The following SLC4A4 variants were observed in gnomAD, a reference collection of about 807,000 sequenced individuals.
SLC4A4 encodes electrogenic sodium bicarbonate cotransporter 1.
SLC4A4 carries 27 observed loss-of-function variants against 111.5 expected under a neutral mutation model. The observed-to-expected ratio is 0.24, with a 90% CI of 0.18 to 0.33. SLC4A4 has a LOEUF of 0.33. SLC4A4 is among the 10% of genes least tolerant of loss of function. The pLI, the probability that SLC4A4 is intolerant of heterozygous loss-of-function variation, is 1.00. For synonymous variants in SLC4A4, 443 were observed against 463.4 expected, an observed-to-expected ratio of 0.96 and a Z score of 0.57; for missense variants, 909 against 1,315.5, an observed-to-expected ratio of 0.69 and a Z score of 4.78.
chr4:71,465,393 T>C (rs572961449), intron 12 of SLC4A4, among the ~76,000 whole-genome samples: 6 of 151,912 alleles, frequency 3.9e-5, no homozygotes, highest in African/African-American at 1.4e-4. Context: ...TCTTTTTATG[T>C]TTAAAAATCA....
chr4:71,374,673 GA>G (rs1189993571), intron 6 of SLC4A4, among the ~76,000 whole-genome samples: 1 of 152,096 alleles, frequency 6.6e-6, no homozygotes, highest in African/African-American at 2.4e-5. Context: ...ATCAAGATGA[GA>G]GAATAAAAAC....
chr4:71,112,224 A>G (rs998318935), intron 2 of SLC4A4, among the ~76,000 whole-genome samples: 1 of 152,222 alleles, frequency 6.6e-6, no homozygotes, highest in Non-Finnish European at 1.5e-5. Flanking sequence ...TGGAACATCA[A>G]TCACAGTAAC....
intron 1 of SLC4A4, among the ~76,000 whole-genome samples, chr4:71,072,144 T>G (rs1166721786): frequency 6.6e-6 from 1 of 152,216 alleles, no homozygotes. Context: ...GTATAATACT[T>G]AGGAAGGTCT....
At chr4:71,437,669 G>T in intron 7 of SLC4A4, 2 of 483,422 alleles carry the variant, frequency 4.1e-6, no homozygotes, top group South Asian at 1.6e-5. Flanking sequence ...AAGATGCTGA[G>T]AGCACAGGCC....
intron 7 of SLC4A4, among the ~76,000 whole-genome samples, chr4:71,408,787 A>T (rs1380788563): frequency 1.3e-5 from 2 of 152,112 alleles, no homozygotes; most frequent in African/African-American, 4.8e-5. Flanking sequence ...TTGAATTTCC[A>T]ATACCATCTA....
At chr4:71,406,027 C>T (rs555665056) in intron 7 of SLC4A4, among the ~76,000 whole-genome samples, 5 of 151,052 alleles carry the variant, frequency 3.3e-5, no homozygotes, top group African/African-American at 4.9e-5. Flanking sequence ...TCCTTGGCAA[C>T]CAAAAAATGG....
intron 7 of SLC4A4, among the ~76,000 whole-genome samples, chr4:71,405,688 A>G (rs1185936264): frequency 6.6e-6 from 1 of 152,140 alleles, no homozygotes; most frequent in African/African-American, 2.4e-5. Context: ...ACTTTATTGA[A>G]TCCGCCTCCA....
At position 71,349,978 on chromosome 4, in the gene SLC4A4, A is replaced by G. The variant is rs1485088216; in HGVS notation, c.456A>G (p.Thr152=). The G allele has an allele frequency of 6.2e-7, 1 of 1,614,124 alleles. No individual in the cohort carries two copies. The highest frequency in any genetic ancestry group is 1.1e-5 in the South Asian group (1 of 91,084). ...GERWSKPHVA[T]LSLHSLFELR... Reference sequence around the variant, plus strand: ...GATGGAGCAAGCCCCATGTGGCCACATTGTCCCTTCATAGTTTATTTGAGC... The same window carrying G: ...GATGGAGCAAGCCCCATGTGGCCACGTTGTCCCTTCATAGTTTATTTGAGC... The change falls in exon 5 of 26, where the codon ACA becomes ACG. Residue 152 remains threonine, a synonymous_variant. Coordinates refer to ENST00000264485, the MANE Select transcript of SLC4A4 (RefSeq NM_001098484.3).
intron 7 of SLC4A4, among the ~76,000 whole-genome samples, chr4:71,408,000 T>C (rs1037990055): frequency 2.6e-5 from 4 of 152,196 alleles, no homozygotes; most frequent in African/African-American, 9.7e-5. Flanking sequence ...GTCTGATAAA[T>C]GCACATCATT....
At chr4:71,356,976 A>G (rs1346589616) in intron 5 of SLC4A4, 32 bp from the exon 6 acceptor site, 2 of 1,609,356 alleles carry the variant, frequency 1.2e-6, no homozygotes, top group Middle Eastern at 1.7e-4. Flanking sequence ...CTTGTGACTG[A>G]GTTTTGTTTT....
upstream of SLC4A4, chr4:71,186,813 T>G (rs1745469003): frequency 6.6e-6 from 1 of 152,106 alleles, no homozygotes; most frequent in African/African-American, 2.4e-5. Flanking sequence ...GCACCCCGGC[T>G]TGCTCCCGAG....
In SLC4A4 at chr4:71,332,678, C is replaced by T. The variant is rs545339257; in HGVS notation, c.254-6692C>T. On this transcript the variant is annotated intron_variant, in intron 3 of 25. Coordinates refer to ENST00000264485, the MANE Select transcript of SLC4A4 (RefSeq NM_001098484.3). ...CGATCTCCTGACCTCGTGATCCGCC[C>T]GCCTCGGCCTCCCAAAGTGCTGGGA... is the stretch of plus-strand genomic sequence containing the variant. Among the ~76,000 whole-genome samples, 534 of 152,068 alleles carry T rather than the reference C, an allele frequency of 3.5e-3. 1 individual carries two copies. Among genetic ancestry groups the T allele is most frequent in the Middle Eastern group, 0.014 (4 of 292 alleles).
chr4:71,302,731 C>T (rs975705851), intron 3 of SLC4A4, among the ~76,000 whole-genome samples: 1 of 152,182 alleles, frequency 6.6e-6, no homozygotes, highest in African/African-American at 2.4e-5. Flanking sequence ...TGGTGACCTT[C>T]AAGGGCAATG....
intron 2 of SLC4A4, among the ~76,000 whole-genome samples, chr4:71,110,020 A>G (rs1462460960): frequency 6.6e-6 from 1 of 152,026 alleles, no homozygotes; most frequent in African/African-American, 2.4e-5. Flanking sequence ...GATGAAAATT[A>G]TTTGCAACTT....
intron 3 of SLC4A4, chr4:71,338,962 G>A (rs756167545): frequency 9.9e-6 from 9 of 913,224 alleles, no homozygotes; most frequent in Non-Finnish European, 1.4e-5. Flanking sequence ...CAGGATTGGG[G>A]TACTTTGTTG....
intron 3 of SLC4A4, among the ~76,000 whole-genome samples, chr4:71,293,833 T>A (rs1012109928): frequency 3.9e-5 from 6 of 152,196 alleles, no homozygotes; most frequent in African/African-American, 1.4e-4. Flanking sequence ...ATATTACAAC[T>A]TATAACGTAT....
chr4:71,339,388 G>A lies in SLC4A4; in HGVS notation c.272G>A (p.Arg91His), dbSNP rs746761566. ...TCTGCAGTCTCTCCTGCTGCAGAAC[G>A]CATCCGATTCATCTTGGGAGAGGAG... is the stretch of plus-strand genomic sequence containing the variant. Reference protein sequence around the residue: ...LKPLISPAAERIRFILGEEDD... With the variant: ...LKPLISPAAEHIRFILGEEDD... Residue 91 changes from arginine (R) to histidine (H), a missense_variant, in exon 4 of 26, where the codon CGC becomes CAC. Physicochemically the swap from Arg to His is conservative, Grantham distance 29. Coordinates refer to ENST00000264485, the MANE Select transcript of SLC4A4 (RefSeq NM_001098484.3). The A allele has an allele frequency of 3.1e-6, 5 of 1,614,018 alleles. No homozygotes were observed. The highest frequency in any genetic ancestry group is 4.5e-5 in the East Asian group (2 of 44,886).
chr4:71,279,838 C>T (rs1348546009), intron 3 of SLC4A4, among the ~76,000 whole-genome samples: 1 of 152,030 alleles, frequency 6.6e-6, no homozygotes, highest in Non-Finnish European at 1.5e-5. Context: ...CTCTGTTGCC[C>T]AGGCTGGAGC....
chr4:71,567,610 G>T (rs1737602532), intron 25 of SLC4A4, among the ~76,000 whole-genome samples, 178 bp from the exon 26 acceptor site: 1 of 151,476 alleles, frequency 6.6e-6, no homozygotes, highest in Admixed American at 6.6e-5. Flanking sequence ...TGAATTTCTT[G>T]ACTCTGCTGG....
Sources: allele counts gnomAD v4.1 joint callset (sites outside exome capture counted in the v4.1 genomes callset), GRCh38; gene constraint gnomAD v4.1.1; transcripts MANE v1.5; gene names NCBI Gene and HGNC (gene_info 2026-07-23, HGNC 2026-07-21).